Variants in MAP3K20 observed in about 807,000 individuals in gnomAD.
The protein encoded by MAP3K20 is mitogen-activated protein kinase kinase kinase 20, also known as HCCS-4.
Under a neutral mutation model 85.7 loss-of-function variants are expected in MAP3K20, and 40 were observed. That is an observed-to-expected ratio of 0.47 (90% CI 0.36 to 0.61). The LOEUF is 0.61. Ranked by LOEUF, MAP3K20 falls within the 20% of genes least tolerant of loss-of-function variation. MAP3K20 has a pLI of 0.00. For missense variants in MAP3K20, 817 were observed against 961.7 expected (o/e 0.85, Z 1.99); for synonymous variants, 325 against 327.7 (o/e 0.99, Z 0.09).
chr2:173,171,405 T>C lies in MAP3K20; in HGVS notation c.247+1513T>C, dbSNP rs533744212. ...AAACTCTGTTTCTTATTATATACTC[T>C]TGATGTTTAATGCTTTTTGAAAATA... On this transcript the variant is annotated intron_variant, in intron 3 of 19. Transcript: ENST00000375213. Among the ~76,000 whole-genome samples the C allele has an allele frequency of 9.8e-5, 15 of 152,354 alleles. No individual in the cohort carries two copies. The South Asian group carries it at 2.5e-3, about 25-fold the overall frequency.
chr2:173,084,812 A>G (rs1451517949), intron 1 of MAP3K20, among the ~76,000 whole-genome samples: 1 of 152,226 alleles, frequency 6.6e-6, no homozygotes, highest in East Asian at 1.9e-4. Context: ...ACCATATACT[A>G]GGCACTGTGC....
At chr2:173,265,971 T>G in intron 19 of MAP3K20, 79 bp from the exon 20 acceptor site, 1 of 1,428,218 alleles carries the variant, frequency 7.0e-7, no homozygotes, top group Non-Finnish European at 9.5e-7. Flanking sequence ...CAGCCCTGAA[T>G]TATCCTAAGA....
At chr2:173,153,021 A>G (rs1689352600) in intron 2 of MAP3K20, among the ~76,000 whole-genome samples, 1 of 152,182 alleles carries the variant, frequency 6.6e-6, no homozygotes, top group Non-Finnish European at 1.5e-5. Flanking sequence ...AAATAATTAA[A>G]CCATATTGCT....
chr2:173,135,803 T>TC (rs2106207491), intron 2 of MAP3K20, among the ~76,000 whole-genome samples: 1 of 152,372 alleles, frequency 6.6e-6, no homozygotes, highest in African/African-American at 2.4e-5. Flanking sequence ...TCACATTTTT[T>TC]CATATGCTTC....
At chr2:173,238,326 C>T in intron 14 of MAP3K20, 47 bp from the exon 15 acceptor site, 1 of 1,517,678 alleles carries the variant, frequency 6.6e-7, no homozygotes, top group Non-Finnish European at 9.1e-7. Context: ...TTAGTCTTCT[C>T]TTGGTATTAC....
At chr2:173,142,637 C>T (rs983346946) in intron 2 of MAP3K20, among the ~76,000 whole-genome samples, 1 of 145,860 alleles carries the variant, frequency 6.9e-6, no homozygotes, top group Non-Finnish European at 1.6e-5. Flanking sequence ...CACAAAAAAA[C>T]AAAACAAAAG....
intron 1 of MAP3K20, among the ~76,000 whole-genome samples, chr2:173,090,141 T>C (rs988944035): frequency 3.3e-5 from 5 of 152,224 alleles, no homozygotes; most frequent in Non-Finnish European, 4.4e-5. Context: ...TTCAAAATTT[T>C]AACCCAATTT....
chr2:173,260,898 T>G (rs1435598309), intron 17 of MAP3K20, among the ~76,000 whole-genome samples, 165 bp from the exon 18 acceptor site: 1 of 152,220 alleles, frequency 6.6e-6, no homozygotes, highest in Non-Finnish European at 1.5e-5. Context: ...CTTCAAACAT[T>G]AGCATGTTGT....
intron 11 of MAP3K20, chr2:173,221,416 G>T (rs1468684640): frequency 6.2e-7 from 1 of 1,614,072 alleles, no homozygotes; most frequent in African/African-American, 1.3e-5. Context: ...CTAAGAGAAG[G>T]GGGAAGAAAG....
rs373613896 is a variant in MAP3K20, at chr2:173,091,017, C to T, written c.-15C>T. ...CTGCAGATTTTGTGGAAGTATAATA[C>T]TTTGTCATTATGAGATGTCGTCTCT... is the stretch of plus-strand genomic sequence containing the variant. On this transcript the variant is annotated 5_prime_UTR_variant, in exon 2 of 20. Coordinates refer to ENST00000375213, the MANE Select transcript of MAP3K20 (RefSeq NM_016653.3). 1.1e-5 allele frequency: 17 copies of T among 1,602,618 alleles called. No individual in the cohort carries two copies. The highest frequency in any genetic ancestry group is 1.4e-5 in the Non-Finnish European group (17 of 1,175,786).
At chr2:173,227,754 A>G (rs1293204716) in intron 11 of MAP3K20, among the ~76,000 whole-genome samples, 2 of 152,252 alleles carry the variant, frequency 1.3e-5, no homozygotes, top group East Asian at 1.9e-4. Flanking sequence ...TTTTATAAAA[A>G]TAACACTACA....
chr2:173,080,006 A>G (rs1049887106), intron 1 of MAP3K20, among the ~76,000 whole-genome samples: 3 of 152,138 alleles, frequency 2.0e-5, no homozygotes, highest in Non-Finnish European at 2.9e-5. Context: ...ACTGTACATA[A>G]TTGTATGTGC....
intron 2 of MAP3K20, among the ~76,000 whole-genome samples, chr2:173,164,620 G>A (rs140014674): frequency 4.4e-4 from 67 of 152,226 alleles, no homozygotes; most frequent in African/African-American, 1.5e-3. Flanking sequence ...GGAGTCTATG[G>A]CAGCTCTCCA....
chr2:173,103,234 A>G (rs1687685420), intron 2 of MAP3K20, among the ~76,000 whole-genome samples: 1 of 152,186 alleles, frequency 6.6e-6, no homozygotes, highest in Non-Finnish European at 1.5e-5. Context: ...TTAACTACAC[A>G]GTAAAGCCTA....
intron 2 of MAP3K20, among the ~76,000 whole-genome samples, chr2:173,121,543 C>T (rs977906976): frequency 1.3e-5 from 2 of 152,060 alleles, no homozygotes; most frequent in African/African-American, 4.8e-5. Context: ...CCCGCCACCA[C>T]GCCCGGCTAA....
chr2:173,244,730 A>G (rs1293613513), intron 16 of MAP3K20, among the ~76,000 whole-genome samples: 2 of 152,218 alleles, frequency 1.3e-5, no homozygotes, highest in African/African-American at 2.4e-5. Flanking sequence ...GCATTATGAA[A>G]TATTTTCTGA....
intron 18 of MAP3K20, 57 bp downstream of exon 18, chr2:173,261,194 T>C (rs1317110026): frequency 1.3e-6 from 2 of 1,551,602 alleles, no homozygotes; most frequent in South Asian, 1.1e-5. Flanking sequence ...AATATAAATT[T>C]ATCTGTTATC....
chr2:173,254,269 A>AG lies in MAP3K20; in HGVS notation c.1360-4430_1360-4429insG, dbSNP rs1685108794. On this transcript the variant is annotated intron_variant, in intron 16 of 19. Coordinates refer to ENST00000375213, the MANE Select transcript of MAP3K20 (RefSeq NM_016653.3). ...TCTCTCCTAAAAATACAAAAAAAAA[A>AG]CACAAAAAATTAGCTGGGCGTGGTG... Among the ~76,000 whole-genome samples, 5 of 148,840 alleles carry AG rather than the reference A, an allele frequency of 3.4e-5. No homozygotes were observed. The South Asian group carries it at 1.1e-3, about 32-fold the overall frequency.
At chr2:173,153,067 G>A (rs561971207) in intron 2 of MAP3K20, among the ~76,000 whole-genome samples, 24 of 152,250 alleles carry the variant, frequency 1.6e-4, no homozygotes, top group African/African-American at 5.8e-4. Flanking sequence ...TAAGGTGTAT[G>A]GGAAACAAAC....
Sources: gnomAD v4.1 joint callset for allele counts (sites outside exome capture counted in the v4.1 genomes callset) on GRCh38, gnomAD v4.1.1 for gene constraint, MANE v1.5 for transcripts, NCBI Gene and HGNC (gene_info 2026-07-23, HGNC 2026-07-21) for gene names.